Variants in GDPD4 observed in about 807,000 individuals in gnomAD.
GDPD4 encodes glycerophosphodiester phosphodiesterase 6.
A neutral mutation model predicts 67.8 loss-of-function variants in GDPD4; 60 were observed. The observed-to-expected ratio is 0.88, with a 90% CI of 0.72 to 1.10. GDPD4 has a LOEUF of 1.10. GDPD4 is among the 50% of genes least tolerant of loss of function. The pLI, the probability that GDPD4 is intolerant of heterozygous loss-of-function variation, is 0.00. For synonymous variants in GDPD4, 212 were observed against 210.9 expected (o/e 1.00, Z -0.04); for missense variants, 623 against 613.9 (o/e 1.01, Z -0.16).
intron 3 of GDPD4, among the ~76,000 whole-genome samples, chr11:77,281,530 G>C (rs1959752627): frequency 6.6e-6 from 1 of 152,160 alleles, no homozygotes; most frequent in African/African-American, 2.4e-5. Context: ...GAAAGCATCA[G>C]ATATCTACCA....
intron 1 of GDPD4, among the ~76,000 whole-genome samples, chr11:77,293,861 G>T (rs1439538660): frequency 6.6e-6 from 1 of 152,148 alleles, no homozygotes; most frequent in African/African-American, 2.4e-5. Context: ...AAGCAAGGAT[G>T]TCTGTTATCA....
chr11:77,238,460 T>C (rs1958602905), intron 13 of GDPD4, among the ~76,000 whole-genome samples: 1 of 151,942 alleles, frequency 6.6e-6, no homozygotes, highest in South Asian at 2.1e-4. Context: ...GGTGTGAGCC[T>C]GTAATCCCAG....
At chr11:77,285,916 C>T (rs538370213) in intron 2 of GDPD4, among the ~76,000 whole-genome samples, 2 of 152,308 alleles carry the variant, frequency 1.3e-5, no homozygotes, top group African/African-American at 2.4e-5. Flanking sequence ...AGAAGTCTCC[C>T]TGTGTTAGTT....
At chr11:77,275,169 C>T (rs926384233) in intron 5 of GDPD4, among the ~76,000 whole-genome samples, 2 of 152,174 alleles carry the variant, frequency 1.3e-5, no homozygotes, top group African/African-American at 4.8e-5. Flanking sequence ...AAAATCATCA[C>T]ATGGATCCCA....
intron 11 of GDPD4, among the ~76,000 whole-genome samples, chr11:77,249,102 T>A (rs2135849160): frequency 6.6e-6 from 1 of 150,874 alleles, no homozygotes; most frequent in Non-Finnish European, 1.5e-5. Flanking sequence ...CTGTCTCTAC[T>A]AAAAATACAA....
rs1179950433 is a variant in GDPD4, at chr11:77,276,177, A to G, written c.191T>C (p.Leu64Pro). 1.2e-6 allele frequency: 2 copies of G among 1,613,182 alleles called. No homozygotes were observed. Among genetic ancestry groups the G allele is most frequent in the African/African-American group, 2.7e-5 (2 of 74,904 alleles). Residue 64 changes from leucine (L) to proline (P), a missense_variant, in exon 5 of 17, where the codon CTG (leucine) becomes CCG (proline). Leu to Pro is a moderately conservative substitution (Grantham distance 98, BLOSUM62 -3). Transcript: ENST00000315938. ...LLLWERIELY[L>P]HLCHKILILL... ...ATGTCCTACCTTATGACACAAGTGC[A>G]GGTATAGTTCAATCCTTTCCCAAAG...
At chr11:77,291,354 C>T (rs56263147) in intron 1 of GDPD4, among the ~76,000 whole-genome samples, 2,809 of 152,060 alleles carry the variant, frequency 0.018, 95 homozygotes, top group African/African-American at 0.063. Context: ...TGATAATTAC[C>T]GGAGGCTGGG....
intron 10 of GDPD4, among the ~76,000 whole-genome samples, chr11:77,267,286 T>C (rs1254788754): frequency 2.0e-5 from 3 of 152,240 alleles, no homozygotes; most frequent in Admixed American, 2.0e-4. Context: ...AAGTTCACTC[T>C]ATGATATTCA....
chr11:77,281,339 G>A (rs896622187), intron 3 of GDPD4, among the ~76,000 whole-genome samples: 11 of 151,998 alleles, frequency 7.2e-5, no homozygotes, highest in African/African-American at 2.7e-4. Flanking sequence ...AACTCTAGAT[G>A]AGAAAAAAAG....
At chr11:77,270,118 C>A (rs1050848905) in intron 7 of GDPD4, among the ~76,000 whole-genome samples, 158 bp from the exon 8 acceptor site, 1 of 152,122 alleles carries the variant, frequency 6.6e-6, no homozygotes, top group African/African-American at 2.4e-5. Context: ...TGCCTGCATA[C>A]CCCCACAGGT....
chr11:77,239,752 G>A lies in GDPD4; in HGVS notation c.1241+3942C>T, dbSNP rs554926956. The stretch of plus-strand genomic sequence containing the variant: ...GAGGCGGGTGGATCACCTGAGGTCA[G>A]GAGTTTGAGACCAGCCTGGCTAACA... On this transcript the variant is annotated intron_variant, in intron 13 of 16. Transcript: ENST00000315938. Among the ~76,000 whole-genome samples, 357 of 152,230 alleles carry A rather than the reference G, an allele frequency of 2.3e-3. 2 individuals are homozygous for A. The highest frequency in any genetic ancestry group is 4.4e-3 in the Non-Finnish European group (296 of 68,004).
chr11:77,229,335 G>T (rs1252694241), intron 14 of GDPD4, 103 bp from the exon 15 acceptor site: 2 of 670,626 alleles, frequency 3.0e-6, no homozygotes, highest in Admixed American at 5.7e-5. Flanking sequence ...AGGAGGAGAG[G>T]AAGAGGGGAT....
At chr11:77,236,931 C>G (rs969466118) in intron 13 of GDPD4, among the ~76,000 whole-genome samples, 1 of 152,140 alleles carries the variant, frequency 6.6e-6, no homozygotes, top group African/African-American at 2.4e-5. Context: ...ACAGGATAAC[C>G]TGATCTTTTG....
At chr11:77,280,247 A>G (rs1456964861) in intron 3 of GDPD4, among the ~76,000 whole-genome samples, 1 of 152,124 alleles carries the variant, frequency 6.6e-6, no homozygotes, top group Non-Finnish European at 1.5e-5. Flanking sequence ...CAACAAATAG[A>G]AAAACTTGGA....
At position 77,216,913 on chromosome 11, in the gene GDPD4, G is replaced by A. The variant is rs1029000795; in HGVS notation, c.*364C>T. 1.4e-6 allele frequency: 1 copy of A among 697,098 alleles called. No individual in the cohort carries two copies. The highest frequency in any genetic ancestry group is 1.8e-5 in the African/African-American group (1 of 56,916). 43.2% of individuals were successfully genotyped at this position (697,098 alleles called of 1,614,324 possible). On this transcript the variant is annotated 3_prime_UTR_variant, in exon 17 of 17. Transcript: ENST00000315938. ...AGGATTATTTGGAGTATTCAGCCAT[G>A]GGGATCTCTTAGAGGTCTCTTATTT...
chr11:77,232,582 CA>C (rs1958474198), intron 14 of GDPD4, among the ~76,000 whole-genome samples: 1 of 152,194 alleles, frequency 6.6e-6, no homozygotes. Flanking sequence ...ACTTTGGAGT[CA>C]AGTACGCTTG....
intron 1 of GDPD4, among the ~76,000 whole-genome samples, chr11:77,289,979 C>T (rs1276473399): frequency 6.6e-6 from 1 of 152,106 alleles, no homozygotes; most frequent in African/African-American, 2.4e-5. Flanking sequence ...GCATCGAAAA[C>T]CAATTTAATA....
chr11:77,284,426 CATAAA>C (rs1482778845), intron 3 of GDPD4, among the ~76,000 whole-genome samples: 2 of 152,184 alleles, frequency 1.3e-5, no homozygotes, highest in Non-Finnish European at 2.9e-5. Context: ...GCATTTTACA[CATAAA>C]ATAACAAACC....
chr11:77,291,555 C>T (rs1477254449), intron 1 of GDPD4, among the ~76,000 whole-genome samples: 6 of 152,000 alleles, frequency 3.9e-5, no homozygotes, highest in Admixed American at 6.6e-5. Context: ...ATTTTCAAAG[C>T]GATAGATATC....
Sources: gnomAD v4.1 joint callset for allele counts (sites outside exome capture counted in the v4.1 genomes callset) on GRCh38, gnomAD v4.1.1 for gene constraint, MANE v1.5 for transcripts, NCBI Gene and HGNC (gene_info 2026-07-23, HGNC 2026-07-21) for gene names.